The following AMPH variants were observed in gnomAD, a reference collection of about 807,000 sequenced individuals.
The protein encoded by AMPH is amphiphysin (Stiff-Mann syndrome with breast cancer 128kD autoantigen).
Under a neutral mutation model 99.1 loss-of-function variants are expected in AMPH, and 49 were observed. The ratio of observed to expected loss-of-function variants is 0.49; its 90% CI spans 0.39 to 0.63. AMPH has a LOEUF of 0.63. Ranked by LOEUF, AMPH falls within the 20% of genes least tolerant of loss-of-function variation. The probability of loss-of-function intolerance (pLI) is 0.00; values close to 1 mark genes in which losing one functional copy is unlikely to be tolerated. For synonymous variants in AMPH, 314 were observed against 317.3 expected, an observed-to-expected ratio of 0.99 and a Z score of 0.11; for missense variants, 759 against 863.4, an observed-to-expected ratio of 0.88 and a Z score of 1.52.
At chr7:38,450,960 A>G (rs1013491713) in intron 11 of AMPH, among the ~76,000 whole-genome samples, 1 of 151,020 alleles carries the variant, frequency 6.6e-6, no homozygotes, top group Non-Finnish European at 1.5e-5. Flanking sequence ...CTGTGATCAT[A>G]GCTCACTGTA....
At chr7:38,412,661 C>T (rs1785247786) in intron 17 of AMPH, among the ~76,000 whole-genome samples, 1 of 152,184 alleles carries the variant, frequency 6.6e-6, no homozygotes, top group Non-Finnish European at 1.5e-5. Context: ...CTATGACTTC[C>T]TGCAAAGACA....
chr7:38,616,769 AC>A (rs1793887437), intron 1 of AMPH, among the ~76,000 whole-genome samples: 1 of 152,208 alleles, frequency 6.6e-6, no homozygotes, highest in Non-Finnish European at 1.5e-5. Flanking sequence ...TTCCATTTAT[AC>A]AAGGTTCAAG....
At position 38,417,957 on chromosome 7, in the gene AMPH, GTGTT is replaced by G; in HGVS notation, c.1273-11_1273-8del. On this transcript the variant is annotated splice_polypyrimidine_tract_variant and splice_region_variant and intron_variant, in intron 16 of 20. Transcript: ENST00000356264. Reference sequence around the variant, plus strand: ...GAGCCTGTTCAGATTCAGCCTTGGAGTGTTTGTTTTGAGGGTTAGAGGAAAAAGA... The same window carrying G: ...GAGCCTGTTCAGATTCAGCCTTGGAGTGTTTTGAGGGTTAGAGGAAAAAGA... 6.2e-7 allele frequency: 1 copy of G among 1,612,912 alleles called. No homozygotes were observed. Among genetic ancestry groups the G allele is most frequent in the South Asian group, 1.1e-5 (1 of 90,890 alleles).
intron 19 of AMPH, 152 bp from the exon 20 acceptor site, chr7:38,390,057 A>G (rs1398535548): frequency 3.2e-6 from 2 of 626,934 alleles, no homozygotes; most frequent in Admixed American, 2.8e-5. Flanking sequence ...GGGAAGTCCT[A>G]TTCTCTGATA....
chr7:38,593,946 G>C (rs537322958), intron 1 of AMPH, among the ~76,000 whole-genome samples: 1 of 152,282 alleles, frequency 6.6e-6, no homozygotes, highest in African/African-American at 2.4e-5. Flanking sequence ...AGGTGATGAG[G>C]GCCTGTAGGA....
At chr7:38,512,353 T>C (rs750856959) in intron 2 of AMPH, among the ~76,000 whole-genome samples, 2 of 152,182 alleles carry the variant, frequency 1.3e-5, no homozygotes, top group Non-Finnish European at 2.9e-5. Flanking sequence ...CCATTTCCGA[T>C]AGTCTCCCTG....
At chr7:38,622,044 C>T (rs1794088913) in intron 1 of AMPH, among the ~76,000 whole-genome samples, 1 of 152,154 alleles carries the variant, frequency 6.6e-6, no homozygotes. Flanking sequence ...GATGGTCTTA[C>T]TATATTCTTT....
intron 18 of AMPH, 27 bp downstream of exon 18, chr7:38,393,978 C>T (rs371592255): frequency 5.0e-6 from 8 of 1,612,794 alleles, no homozygotes; most frequent in East Asian, 2.2e-5. Context: ...CCCAGGAGCT[C>T]CCCTGGCTGC....
At chr7:38,422,512 T>G (rs1785616512) in intron 15 of AMPH, 35 bp from the exon 16 acceptor site, 3 of 1,524,366 alleles carry the variant, frequency 2.0e-6, no homozygotes, top group Non-Finnish European at 2.7e-6. Context: ...AGATGTTTTT[T>G]AAAGATATTT....
chr7:38,583,486 C>G (rs1229254699), intron 1 of AMPH, among the ~76,000 whole-genome samples: 1 of 152,090 alleles, frequency 6.6e-6, no homozygotes, highest in Non-Finnish European at 1.5e-5. Flanking sequence ...AACACTTGTT[C>G]AAAGCAAGAG....
At chr7:38,429,286 G>T (rs749584292) in intron 14 of AMPH, 1 of 1,286,304 alleles carries the variant, frequency 7.8e-7, no homozygotes, top group Non-Finnish European at 1.0e-6. Context: ...TTTCCACCTG[G>T]AAAGGCTGGC....
chr7:38,602,480 G>C (rs1457689792), intron 1 of AMPH, among the ~76,000 whole-genome samples: 9 of 152,136 alleles, frequency 5.9e-5, no homozygotes, highest in African/African-American at 1.7e-4. Context: ...GTTTCTGAAG[G>C]CTGCCCATAT....
intron 5 of AMPH, 126 bp from the exon 6 acceptor site, chr7:38,477,095 G>A: frequency 2.8e-6 from 2 of 714,888 alleles, no homozygotes; most frequent in East Asian, 5.3e-5. Context: ...ATCAAGATGG[G>A]CTGGAGTTTC....
chr7:38,499,524 A>C (rs1789054844), intron 3 of AMPH, among the ~76,000 whole-genome samples: 1 of 152,170 alleles, frequency 6.6e-6, no homozygotes, highest in African/African-American at 2.4e-5. Flanking sequence ...AAAGCAACTA[A>C]GAGGCTCAAT....
At chr7:38,571,258 A>T (rs559211026) in intron 1 of AMPH, among the ~76,000 whole-genome samples, 11,020 of 61,832 alleles carry the variant, frequency 0.18, 1,014 homozygotes, top group Non-Finnish European at 0.22. Flanking sequence ...ATATATATTA[A>T]ATATATATTT....
intron 1 of AMPH, among the ~76,000 whole-genome samples, chr7:38,587,447 G>C (rs1792697574): frequency 6.6e-6 from 1 of 152,146 alleles, no homozygotes; most frequent in Non-Finnish European, 1.5e-5. Flanking sequence ...GTAATAAAAG[G>C]CTCTCTGATA....
intron 3 of AMPH, among the ~76,000 whole-genome samples, chr7:38,503,108 T>A (rs1789200601): frequency 6.6e-6 from 1 of 152,232 alleles, no homozygotes; most frequent in Non-Finnish European, 1.5e-5. Flanking sequence ...TTGCCTTACA[T>A]GGCTGAGTCC....
In AMPH at chr7:38,497,372, C is replaced by T. The variant is rs376587867; in HGVS notation, c.206-2845G>A. ...GATTTCTAAAACTGTAAGACAAATG[C>T]CCAGCATCATATACAGAAGAATTAT... On this transcript the variant is annotated intron_variant, in intron 3 of 20. Coordinates refer to ENST00000356264, the MANE Select transcript of AMPH (RefSeq NM_001635.4). 1.1e-4 allele frequency among the ~76,000 whole-genome samples: 17 copies of T among 152,036 alleles called. 1 individual carries two copies. In the East Asian group the frequency reaches 1.5e-3, roughly 14 times the overall value.
At chr7:38,581,192 C>T (rs10275119) in intron 1 of AMPH, among the ~76,000 whole-genome samples, 235 of 151,726 alleles carry the variant, frequency 1.5e-3, no homozygotes, top group African/African-American at 5.3e-3. Context: ...AATTAAAATA[C>T]GTCATACATT....
Sources: gnomAD v4.1 joint callset for allele counts (sites outside exome capture counted in the v4.1 genomes callset) on GRCh38, gnomAD v4.1.1 for gene constraint, MANE v1.5 for transcripts, NCBI Gene and HGNC (gene_info 2026-07-23, HGNC 2026-07-21) for gene names.